Variants in HTT observed in about 807,000 individuals in gnomAD.
HTT encodes huntingtin.
A neutral mutation model predicts 362.3 loss-of-function variants in HTT; 104 were observed. The ratio of observed to expected loss-of-function variants is 0.29; its 90% CI spans 0.24 to 0.34. The LOEUF is 0.34. Among genes scored for constraint, HTT ranks in the 10% least tolerant of loss-of-function variants. The pLI is 1.00. For missense variants in HTT, 3,301 were observed against 3,928.6 expected, an observed-to-expected ratio of 0.84 and a Z score of 4.27; for synonymous variants, 1,577 against 1,548.7, an observed-to-expected ratio of 1.02 and a Z score of -0.43.
At chr4:3,161,713 A>G (rs1717457328) in intron 29 of HTT, among the ~76,000 whole-genome samples, 1 of 152,126 alleles carries the variant, frequency 6.6e-6, no homozygotes, top group Non-Finnish European at 1.5e-5. Context: ...GGCTGCATAA[A>G]TGTCTTCTTT....
At chr4:3,086,805 C>A in intron 1 of HTT, 134 bp from the exon 2 acceptor site, 1 of 549,960 alleles carries the variant, frequency 1.8e-6, no homozygotes, top group South Asian at 2.7e-5. Context: ...GATCCCCATT[C>A]TGCCCGCAAC....
intron 13 of HTT, 48 bp downstream of exon 13, chr4:3,130,095 C>G: frequency 1.3e-6 from 2 of 1,516,710 alleles, no homozygotes; most frequent in Non-Finnish European, 8.8e-7. Context: ...GTATTCAGAC[C>G]TGGACATCTT....
intron 35 of HTT, among the ~76,000 whole-genome samples, chr4:3,180,068 C>T (rs1203370868): frequency 6.6e-6 from 1 of 152,132 alleles, no homozygotes; most frequent in African/African-American, 2.4e-5. Context: ...TATCTAATGA[C>T]AGAGTGAGTT....
At chr4:3,131,227 C>A in intron 14 of HTT, 59 bp from the exon 15 acceptor site, 2 of 1,216,722 alleles carry the variant, frequency 1.6e-6, no homozygotes, top group Non-Finnish European at 2.4e-6. Flanking sequence ...GTTGAATGAA[C>A]TAATGCATGA....
intron 5 of HTT, among the ~76,000 whole-genome samples, chr4:3,106,490 G>T (rs557368022): frequency 1.3e-5 from 2 of 152,220 alleles, no homozygotes; most frequent in South Asian, 2.1e-4. Context: ...ACACATCCAG[G>T]TTCTGCACAT....
rs1335893243 is a variant in HTT, at chr4:3,218,740, A to G, written c.7242+788A>G. Among the ~76,000 whole-genome samples the G allele has an allele frequency of 6.6e-6, 1 of 152,192 alleles. No individual in the cohort carries two copies. Among genetic ancestry groups the G allele is most frequent in the Non-Finnish European group, 1.5e-5 (1 of 68,020 alleles). On this transcript the variant is annotated intron_variant, in intron 52 of 66. Coordinates refer to ENST00000355072, the MANE Select transcript of HTT (RefSeq NM_001388492.1). The surrounding 1 kb of genome is among the most constrained non-coding windows in gnomAD (Gnocchi z 4.4). ...GATGGAGGGGGACTGACTTCTGCCC[A>G]GTGAAATGGCATCATCTCCCACCAG...
chr4:3,137,036 T>C (rs1716104774), intron 21 of HTT, among the ~76,000 whole-genome samples: 1 of 151,690 alleles, frequency 6.6e-6, no homozygotes, highest in Non-Finnish European at 1.5e-5. Context: ...GCCTCCCGAG[T>C]AGCTGGGATT....
chr4:3,140,296 AC>A (rs981293275), intron 21 of HTT, among the ~76,000 whole-genome samples: 112 of 151,894 alleles, frequency 7.4e-4, no homozygotes, highest in African/African-American at 2.6e-3. Context: ...AAAGTACAGC[AC>A]CCAGTTATGT....
chr4:3,155,375 C>T (rs1717089363), intron 27 of HTT, among the ~76,000 whole-genome samples: 1 of 150,800 alleles, frequency 6.6e-6, no homozygotes, highest in African/African-American at 2.4e-5. Flanking sequence ...GTGTGCACCA[C>T]CACACCTGGC....
At chr4:3,169,789 G>T (rs1376721839) in intron 29 of HTT, among the ~76,000 whole-genome samples, 2 of 152,146 alleles carry the variant, frequency 1.3e-5, no homozygotes, top group Non-Finnish European at 2.9e-5. Flanking sequence ...GGCCAAACTG[G>T]CCTTGAACTC....
intron 29 of HTT, among the ~76,000 whole-genome samples, chr4:3,162,136 C>T (rs1717476867): frequency 6.6e-6 from 1 of 152,198 alleles, no homozygotes; most frequent in Non-Finnish European, 1.5e-5. Flanking sequence ...CAGTTTTCTG[C>T]ATGTGGCTAG....
At position 3,178,360 on chromosome 4, in the gene HTT, A is replaced by C. The variant is rs747202535; in HGVS notation, c.4526A>C (p.Tyr1509Ser). ...FFLVLLSYER[Y>S]HSKQIIGIPK... ...TTGGTATTACTATCTTATGAACGCT[A>C]TCATTCAAAACAGATCATTGGAATT... The change falls in exon 35 of 67, where the codon TAT (tyrosine) becomes TCT (serine). Residue 1509 changes from tyrosine (Y) to serine (S), a missense_variant. By Grantham distance (144) the Tyr-to-Ser change is moderately radical. Coordinates refer to ENST00000355072, the MANE Select transcript of HTT (RefSeq NM_001388492.1). The C allele has an allele frequency of 1.9e-5, 31 of 1,611,790 alleles. No individual in the cohort carries two copies. Among genetic ancestry groups the C allele is most frequent in the Non-Finnish European group, 2.2e-5 (26 of 1,177,958 alleles).
At chr4:3,127,992 G>A in intron 12 of HTT, among the ~76,000 whole-genome samples, 1 of 151,900 alleles carries the variant, frequency 6.6e-6, no homozygotes, top group East Asian at 1.9e-4. Flanking sequence ...AAGTGCAGTG[G>A]CTCGTTCTCA....
intron 45 of HTT, among the ~76,000 whole-genome samples, chr4:3,208,339 G>A (rs1385493435): frequency 6.6e-6 from 1 of 152,228 alleles, no homozygotes; most frequent in Non-Finnish European, 1.5e-5. Flanking sequence ...CAGATGAGGT[G>A]ATTTTATTTT....
chr4:3,188,119 G>A (rs995354975), intron 39 of HTT: 1 of 419,420 alleles, frequency 2.4e-6, no homozygotes, highest in Non-Finnish European at 4.3e-6. Context: ...AGATGCTACA[G>A]CAGTGGCTCG....
intron 20 of HTT, 118 bp downstream of exon 20, chr4:3,136,085 A>G (rs1415879588): frequency 1.3e-4 from 117 of 917,110 alleles, no homozygotes; most frequent in Non-Finnish European, 4.2e-5. Context: ...TTCACAGTTT[A>G]TATCATGAAA....
chr4:3,202,848 GA>G (rs1031096533), intron 41 of HTT, among the ~76,000 whole-genome samples: 4 of 149,996 alleles, frequency 2.7e-5, no homozygotes, highest in African/African-American at 4.9e-5. Flanking sequence ...CCCATCTCCA[GA>G]AAAAAAAAAT....
At chr4:3,139,125 A>G (rs578034392) in intron 21 of HTT, among the ~76,000 whole-genome samples, 8 of 152,220 alleles carry the variant, frequency 5.3e-5, no homozygotes, top group African/African-American at 1.7e-4. Flanking sequence ...TCATTTACTT[A>G]ATAGGTTTAT....
At position 3,147,832 on chromosome 4, in the gene HTT, A is replaced by G. The variant is rs182386041; in HGVS notation, c.3296-173A>G. Among the ~76,000 whole-genome samples, 7 of 152,340 alleles carry G rather than the reference A, an allele frequency of 4.6e-5. No homozygotes were observed. In the East Asian group the frequency reaches 1.3e-3, roughly 29 times the overall value. On this transcript the variant is annotated intron_variant, in intron 25 of 66. Coordinates refer to ENST00000355072, the MANE Select transcript of HTT (RefSeq NM_001388492.1). ...TGACAGTCATGGAAATTGGGAACACAGATTTGTGCGGGAAACATCAGTTTC... is the reference window on the plus strand; with the variant it reads ...TGACAGTCATGGAAATTGGGAACACGGATTTGTGCGGGAAACATCAGTTTC...
Sources: allele counts gnomAD v4.1 joint callset (sites outside exome capture counted in the v4.1 genomes callset), GRCh38; gene constraint gnomAD v4.1.1; non-coding constraint Gnocchi (gnomAD v3.1); transcripts MANE v1.5; gene names NCBI Gene and HGNC (gene_info 2026-07-23, HGNC 2026-07-21).